TAF4: variants seen among roughly 807,000 people sequenced by gnomAD.
TAF4 encodes TATA-box binding protein associated factor 4, also known as transcription initiation factor TFIID subunit 4.
In TAF4, 9 loss-of-function variants were observed where a neutral mutation model predicts 90.3. That is an observed-to-expected ratio of 0.10 (90% CI 0.06 to 0.17). The LOEUF (loss-of-function observed/expected upper bound fraction) is 0.17, where lower values mean the gene tolerates loss of function less well. TAF4 is among the 10% of genes least tolerant of loss of function. The pLI, the probability that TAF4 is intolerant of heterozygous loss-of-function variation, is 1.00. For synonymous variants in TAF4, 818 were observed against 638.9 expected, an observed-to-expected ratio of 1.28 and a Z score of -4.23; for missense variants, 1,351 against 1,370.7, an observed-to-expected ratio of 0.99 and a Z score of 0.23.
At chr20:61,983,430 G>A (rs1174910211) in intron 14 of TAF4, among the ~76,000 whole-genome samples, 1 of 152,188 alleles carries the variant, frequency 6.6e-6, no homozygotes, top group Non-Finnish European at 1.5e-5. Context: ...GGAGGCCAAG[G>A]CAGGAGGATT....
At chr20:62,024,574 A>G (rs1023917711) in intron 1 of TAF4, among the ~76,000 whole-genome samples, 2 of 152,192 alleles carry the variant, frequency 1.3e-5, no homozygotes, top group Non-Finnish European at 2.9e-5. Context: ...AAACTCAGTA[A>G]GAAAATAACC....
intron 1 of TAF4, among the ~76,000 whole-genome samples, chr20:62,059,970 G>A (rs2056080494): frequency 1.3e-5 from 2 of 152,216 alleles, no homozygotes; most frequent in Non-Finnish European, 2.9e-5. Flanking sequence ...AGTAGAAAAG[G>A]CTTTGGAGGT....
chr20:61,997,805 T>C, intron 13 of TAF4, 136 bp from the exon 14 acceptor site: 1 of 1,154,494 alleles, frequency 8.7e-7, no homozygotes, highest in East Asian at 2.6e-5. Flanking sequence ...ACTTTCTCAA[T>C]AGTAAGCATA....
chr20:62,002,801 A>C (rs553631411), intron 9 of TAF4, among the ~76,000 whole-genome samples: 8 of 152,202 alleles, frequency 5.3e-5, no homozygotes, highest in African/African-American at 1.9e-4. Context: ...GGAGCAGTAC[A>C]GCATTTCTGA....
chr20:62,033,171 AGCAGGG>A (rs1270039922), intron 1 of TAF4, among the ~76,000 whole-genome samples: 2 of 152,208 alleles, frequency 1.3e-5, no homozygotes, highest in Non-Finnish European at 2.9e-5. Context: ...CTCAGCTCTC[AGCAGGG>A]CGGGGTCAGG....
chr20:61,996,616 T>C (rs73611597), intron 14 of TAF4, among the ~76,000 whole-genome samples: 24 of 151,714 alleles, frequency 1.6e-4, no homozygotes, highest in African/African-American at 5.3e-4. Flanking sequence ...CTGGCCAACA[T>C]GGTGAAACCC....
At chr20:62,052,178 G>C (rs1359179428) in intron 1 of TAF4, among the ~76,000 whole-genome samples, 1 of 152,054 alleles carries the variant, frequency 6.6e-6, no homozygotes, top group Non-Finnish European at 1.5e-5. Context: ...AAATGACAGT[G>C]GCCTGGATGA....
intron 1 of TAF4, among the ~76,000 whole-genome samples, chr20:62,024,639 A>T (rs1384439936): frequency 1.3e-5 from 2 of 152,116 alleles, no homozygotes; most frequent in African/African-American, 4.8e-5. Context: ...GAGGCCGAGG[A>T]GGACAGATCA....
intron 1 of TAF4, among the ~76,000 whole-genome samples, chr20:62,055,635 TAC>T (rs2056059135): frequency 6.6e-6 from 1 of 152,210 alleles, no homozygotes; most frequent in Non-Finnish European, 1.5e-5. Flanking sequence ...CCCTACAATC[TAC>T]ACGGGGGACC....
chr20:61,990,716 C>T (rs572959276), intron 14 of TAF4, among the ~76,000 whole-genome samples: 48 of 152,270 alleles, frequency 3.2e-4, no homozygotes, highest in African/African-American at 1.1e-3. Flanking sequence ...AGAGAACCTG[C>T]TGGGAGTGAA....
At chr20:62,040,296 C>G (rs2055956414) in intron 1 of TAF4, among the ~76,000 whole-genome samples, 1 of 152,252 alleles carries the variant, frequency 6.6e-6, no homozygotes, top group Non-Finnish European at 1.5e-5. Context: ...CGCAAAGGAA[C>G]CAGCTACTGG....
rs909850759 is a variant in TAF4, at chr20:62,065,845, G to A, written c.-35C>T. 4.9e-6 allele frequency: 6 copies of A among 1,229,732 alleles called. No individual in the cohort carries two copies. Among genetic ancestry groups the A allele is most frequent in the Middle Eastern group, 2.3e-4 (1 of 4,438 alleles). The allele number at this position is 1,229,732 out of a possible 1,614,324, so 76.2% of individuals were successfully genotyped here. A position where few individuals can be genotyped will look rare whatever the true frequency, so the allele number is the denominator to read the frequency against. ...TCGGCCGCCGCCGCCGCCGCCGCTC[G>A]GGCCGAGCGCGCCTGGGCGAGGAGG... On this transcript the variant is annotated 5_prime_UTR_variant, in exon 1 of 15. Coordinates refer to ENST00000252996, the MANE Select transcript of TAF4 (RefSeq NM_003185.4).
At chr20:61,986,878 T>C (rs115267528) in intron 14 of TAF4, among the ~76,000 whole-genome samples, 385 of 152,222 alleles carry the variant, frequency 2.5e-3, no homozygotes, top group African/African-American at 8.9e-3. Flanking sequence ...AAGACAGAAA[T>C]AGAAAGTCAG....
intron 1 of TAF4, among the ~76,000 whole-genome samples, chr20:62,044,958 GGAGCAGTCC>G (rs2055984814): frequency 6.6e-6 from 1 of 152,198 alleles, no homozygotes; most frequent in South Asian, 2.1e-4. Flanking sequence ...ATGGGCACAG[GGAGCAGTCC>G]GACATGGCAA....
chr20:61,979,100 C>T (rs552864851), intron 14 of TAF4: 1 of 153,352 alleles, frequency 6.5e-6, no homozygotes, highest in Middle Eastern at 3.4e-3. Flanking sequence ...TGCTAAACTG[C>T]TCTGAAGATG....
Position 61,975,197 on chromosome 20 carries a change from C to T in TAF4, c.*971G>A, listed in dbSNP as rs2055485435. The stretch of plus-strand genomic sequence containing the variant: ...TACAAAGAAGGGGCTTTGCTCTGGA[C>T]GTCTGTAAAGTCGGCCCAAGGCTTG... On this transcript the variant is annotated 3_prime_UTR_variant, in exon 15 of 15. Transcript: ENST00000252996. 1 of 152,398 alleles carries T rather than the reference C, an allele frequency of 6.6e-6. No individual in the cohort carries two copies. Among genetic ancestry groups the T allele is most frequent in the South Asian group, 2.1e-4 (1 of 4,818 alleles). 9.4% of individuals were successfully genotyped at this position (152,398 alleles called of 1,614,324 possible).
chr20:62,004,195 T>A (rs565955096), intron 7 of TAF4, among the ~76,000 whole-genome samples: 1 of 152,328 alleles, frequency 6.6e-6, no homozygotes, highest in African/African-American at 2.4e-5. Flanking sequence ...GGCAAACTGA[T>A]GCCTGCTGAC....
In TAF4 at chr20:62,010,133, C is replaced by A. The variant is rs774121720; in HGVS notation, c.1674G>T (p.Thr558=). 1.9e-6 allele frequency: 3 copies of A among 1,613,942 alleles called. No homozygotes were observed. In the South Asian group the frequency reaches 3.3e-5, roughly 18 times the overall value. The change falls in exon 4 of 15, where the codon ACG becomes ACT. Residue 558 remains threonine, a synonymous_variant. Transcript: ENST00000252996. The surrounding 1 kb of genome is among the most constrained non-coding windows in gnomAD (Gnocchi z 4.5). The part of the protein sequence containing the change: ...PQLVLGGAAQ[T]ASLGTATAVQ... ...CAGCCGTCGCCGTCCCAAGTGAAGC[C>A]GTCTGGGCAGCGCCACCCAGAACGA...
In TAF4 at chr20:61,976,428, AGAG is replaced by A; in HGVS notation, c.3091-96_3091-94del. On this transcript the variant is annotated intron_variant, in intron 14 of 14. Coordinates refer to ENST00000252996, the MANE Select transcript of TAF4 (RefSeq NM_003185.4). ...TATCTGAGCCAAGTACCCCGATTCCAGAGGAGGCCAGGCCTGGCACGGGCTCCT... is the reference window on the plus strand; with the variant it reads ...TATCTGAGCCAAGTACCCCGATTCCAGAGGCCAGGCCTGGCACGGGCTCCT... 6 of 1,460,442 alleles carry A rather than the reference AGAG, an allele frequency of 4.1e-6. No individual in the cohort carries two copies. In the South Asian group the frequency reaches 7.2e-5, roughly 17 times the overall value. 90.5% of individuals were successfully genotyped at this position (1,460,442 alleles called of 1,614,324 possible).
Sources: gnomAD v4.1 joint callset for allele counts (sites outside exome capture counted in the v4.1 genomes callset) on GRCh38, gnomAD v4.1.1 for gene constraint, Gnocchi (gnomAD v3.1) non-coding constraint, MANE v1.5 for transcripts, NCBI Gene and HGNC (gene_info 2026-07-23, HGNC 2026-07-21) for gene names.